The following CTNND2 variants were observed in gnomAD, a reference collection of about 807,000 sequenced individuals.
CTNND2 encodes catenin delta-2.
CTNND2 carries 22 observed loss-of-function variants against 144.4 expected under a neutral mutation model. That is an observed-to-expected ratio of 0.15 (90% CI 0.11 to 0.22). The LOEUF (loss-of-function observed/expected upper bound fraction) is 0.22, where lower values mean the gene tolerates loss of function less well. Ranked by LOEUF, CTNND2 falls within the 10% of genes least tolerant of loss-of-function variation. The pLI is 1.00. For synonymous variants in CTNND2, 751 were observed against 695.6 expected, an observed-to-expected ratio of 1.08 and a Z score of -1.25; for missense variants, 1,353 against 1,618.8, an observed-to-expected ratio of 0.84 and a Z score of 2.82.
At position 11,082,872 on chromosome 5, in the gene CTNND2, C is replaced by T. The variant is rs566931188; in HGVS notation, c.2638-26G>A. 1.2e-5 allele frequency: 20 copies of T among 1,609,342 alleles called. No homozygotes were observed. In the South Asian group the frequency reaches 1.4e-4, roughly 12 times the overall value. ...CTGCAAAAACAGGGAAGGCGAAGGG[C>T]GTTAGAAACAGGAAGAAACCCTGCA... On this transcript the variant is annotated intron_variant, in intron 15 of 21. Transcript: ENST00000304623.
At chr5:11,559,130 C>T (rs921231478) in intron 3 of CTNND2, among the ~76,000 whole-genome samples, 2 of 151,850 alleles carry the variant, frequency 1.3e-5, no homozygotes, top group African/African-American at 4.8e-5. Context: ...ATACTATATA[C>T]CTTTATATTT....
At chr5:11,380,573 T>G (rs895401517) in intron 7 of CTNND2, among the ~76,000 whole-genome samples, 1 of 152,198 alleles carries the variant, frequency 6.6e-6, no homozygotes, top group African/African-American at 2.4e-5. Flanking sequence ...CAGATATGAT[T>G]TTTTTAAATA....
At chr5:11,006,749 G>A (rs989252479) in intron 18 of CTNND2, among the ~76,000 whole-genome samples, 1 of 152,158 alleles carries the variant, frequency 6.6e-6, no homozygotes, top group Admixed American at 6.5e-5. Flanking sequence ...CATTGTGAAG[G>A]CTGGACCATG....
At chr5:11,016,768 C>T (rs1295530920) in intron 18 of CTNND2, among the ~76,000 whole-genome samples, 1 of 151,832 alleles carries the variant, frequency 6.6e-6, no homozygotes, top group Non-Finnish European at 1.5e-5. Context: ...TGTCCTCTAT[C>T]CCCTATATAT....
intron 8 of CTNND2, among the ~76,000 whole-genome samples, chr5:11,358,482 G>T (rs1304534245): frequency 6.6e-6 from 1 of 152,210 alleles, no homozygotes; most frequent in East Asian, 1.9e-4. Context: ...TAACTAATAG[G>T]TTATAGAGAA....
At chr5:11,488,786 A>G (rs939882410) in intron 3 of CTNND2, among the ~76,000 whole-genome samples, 28 of 152,158 alleles carry the variant, frequency 1.8e-4, no homozygotes, top group Non-Finnish European at 4.0e-4. Flanking sequence ...GTCCTTGGAG[A>G]ATGCCATACT....
chr5:11,289,613 C>T (rs896428629), intron 9 of CTNND2, among the ~76,000 whole-genome samples: 6 of 152,210 alleles, frequency 3.9e-5, no homozygotes, highest in Non-Finnish European at 8.8e-5. Flanking sequence ...CAAGTGACAA[C>T]AACCCAAAAG....
intron 6 of CTNND2, among the ~76,000 whole-genome samples, chr5:11,391,055 A>G (rs10050968): frequency 0.031 from 4,649 of 152,124 alleles, 206 homozygotes; most frequent in African/African-American, 0.099. Context: ...ATTGGAGCTC[A>G]TGTGTGAGGA....
At chr5:11,141,515 G>C (rs1756719766) in intron 12 of CTNND2, among the ~76,000 whole-genome samples, 1 of 152,154 alleles carries the variant, frequency 6.6e-6, no homozygotes, top group African/African-American at 2.4e-5. Flanking sequence ...GGGATGCTTA[G>C]TTATTCTAAG....
intron 16 of CTNND2, among the ~76,000 whole-genome samples, chr5:11,062,502 C>A (rs1295394060): frequency 1.3e-5 from 2 of 152,196 alleles, no homozygotes; most frequent in Non-Finnish European, 2.9e-5. Flanking sequence ...TACGTGAGCT[C>A]CCTCTGGGGA....
At chr5:11,626,278 T>C (rs1781148949) in intron 2 of CTNND2, among the ~76,000 whole-genome samples, 1 of 152,192 alleles carries the variant, frequency 6.6e-6, no homozygotes, top group Non-Finnish European at 1.5e-5. Flanking sequence ...CTCCATTTCA[T>C]TGCATATGTA....
chr5:11,467,881 A>C (rs1766822738), intron 3 of CTNND2, among the ~76,000 whole-genome samples: 1 of 152,248 alleles, frequency 6.6e-6, no homozygotes, highest in Non-Finnish European at 1.5e-5. Flanking sequence ...GGGGGCATAA[A>C]GATAAATACA....
At chr5:11,124,942 C>G (rs868252874) in intron 12 of CTNND2, among the ~76,000 whole-genome samples, 2 of 152,186 alleles carry the variant, frequency 1.3e-5, no homozygotes, top group Non-Finnish European at 1.5e-5. Context: ...TGGAGCAGCA[C>G]GCTGCTCTCC....
At chr5:11,451,285 T>G (rs1765293130) in intron 3 of CTNND2, among the ~76,000 whole-genome samples, 1 of 152,142 alleles carries the variant, frequency 6.6e-6, no homozygotes, top group Non-Finnish European at 1.5e-5. Flanking sequence ...AGTTGAAAGC[T>G]TCTAGGCATC....
At chr5:11,880,437 G>T (rs1371616702) in intron 1 of CTNND2, among the ~76,000 whole-genome samples, 1 of 151,260 alleles carries the variant, frequency 6.6e-6, no homozygotes. Flanking sequence ...CACAAGTCAG[G>T]TGTGGGGGTC....
At chr5:11,329,163 T>C in intron 9 of CTNND2, among the ~76,000 whole-genome samples, 1 of 152,250 alleles carries the variant, frequency 6.6e-6, no homozygotes, top group African/African-American at 2.4e-5. Context: ...CATCCTTCTT[T>C]AAAATTTTTT....
chr5:11,713,343 G>A (rs1466148173), intron 2 of CTNND2, among the ~76,000 whole-genome samples: 1 of 152,058 alleles, frequency 6.6e-6, no homozygotes, highest in Non-Finnish European at 1.5e-5. Context: ...TACTTTGGGA[G>A]GCTGAGGCAG....
chr5:11,160,889 A>G (rs1221782690), intron 11 of CTNND2, among the ~76,000 whole-genome samples: 3 of 152,254 alleles, frequency 2.0e-5, no homozygotes, highest in East Asian at 3.8e-4. Flanking sequence ...ATCCAAGGAC[A>G]TTAATAATAC....
intron 12 of CTNND2, among the ~76,000 whole-genome samples, chr5:11,126,639 T>C (rs1176255898): frequency 6.6e-6 from 1 of 152,224 alleles, no homozygotes; most frequent in African/African-American, 2.4e-5. Flanking sequence ...AACCACGATA[T>C]CATCAGTATG....
Sources: allele counts gnomAD v4.1 joint callset (sites outside exome capture counted in the v4.1 genomes callset), GRCh38; gene constraint gnomAD v4.1.1; transcripts MANE v1.5; gene names NCBI Gene and HGNC (gene_info 2026-07-23, HGNC 2026-07-21).